The following B3GALT1 variants were observed in gnomAD, a reference collection of about 807,000 sequenced individuals.
B3GALT1 encodes the protein UDP-Gal:betaGlcNAc beta 1,3-galactosyltransferase, polypeptide 1.
A neutral mutation model predicts 23.2 loss-of-function variants in B3GALT1; 10 were observed. The ratio of observed to expected loss-of-function variants is 0.43; its 90% CI spans 0.27 to 0.73. The LOEUF (loss-of-function observed/expected upper bound fraction) is 0.73, where lower values mean the gene tolerates loss of function less well. B3GALT1 is among the 30% of genes least tolerant of loss of function. B3GALT1 has a pLI of 0.21. For synonymous variants in B3GALT1, 156 were observed against 141.5 expected (o/e 1.10, Z -0.73); for missense variants, 299 against 405.4 (o/e 0.74, Z 2.25).
chr2:167,534,849 T>G (rs1683388524), intron 2 of B3GALT1, among the ~76,000 whole-genome samples: 1 of 152,218 alleles, frequency 6.6e-6, no homozygotes, highest in African/African-American at 2.4e-5. Context: ...GGCAAATATG[T>G]GGGAGAAGGA....
chr2:167,630,507 A>G (rs927719875), intron 2 of B3GALT1, among the ~76,000 whole-genome samples: 5 of 151,742 alleles, frequency 3.3e-5, no homozygotes, highest in African/African-American at 1.2e-4. Context: ...TTTGACAATT[A>G]TTGTTAATTT....
At chr2:167,683,575 G>T (rs1686570543) in intron 3 of B3GALT1, among the ~76,000 whole-genome samples, 1 of 152,090 alleles carries the variant, frequency 6.6e-6, no homozygotes, top group Non-Finnish European at 1.5e-5. Flanking sequence ...ACAAAAATTA[G>T]CTGGGCATGG....
chr2:167,374,157 C>T (rs549589500), intron 1 of B3GALT1, among the ~76,000 whole-genome samples: 69 of 152,250 alleles, frequency 4.5e-4, no homozygotes, highest in African/African-American at 1.6e-3. Flanking sequence ...GGATAATTGT[C>T]TCCAGCTGCG....
chr2:167,576,862 C>T (rs926106593), intron 2 of B3GALT1, among the ~76,000 whole-genome samples: 1 of 151,672 alleles, frequency 6.6e-6, no homozygotes, highest in Admixed American at 6.6e-5. Context: ...TATCTTCTTG[C>T]CACCCTTGTG....
Position 167,656,683 on chromosome 2 carries a change from A to G in B3GALT1, c.-352+9717A>G, listed in dbSNP as rs990069382. 7.9e-5 allele frequency among the ~76,000 whole-genome samples: 12 copies of G among 152,324 alleles called. No homozygotes were observed. In the South Asian group the frequency reaches 2.5e-3, roughly 32 times the overall value. On this transcript the variant is annotated intron_variant, in intron 3 of 4. Coordinates refer to ENST00000392690, the MANE Select transcript of B3GALT1 (RefSeq NM_020981.4). ...TTGGCATATTTGAAAGTTGTGACTTACACTGGATTAGCTGTCCTACAGCTT... is the reference window on the plus strand; with the variant it reads ...TTGGCATATTTGAAAGTTGTGACTTGCACTGGATTAGCTGTCCTACAGCTT...
At chr2:167,748,449 T>G (rs1687684346) in intron 3 of B3GALT1, among the ~76,000 whole-genome samples, 1 of 152,192 alleles carries the variant, frequency 6.6e-6, no homozygotes, top group African/African-American at 2.4e-5. Flanking sequence ...AAATATCTCT[T>G]GAAGCTTTTC....
At chr2:167,596,789 A>G (rs367596483) in intron 2 of B3GALT1, among the ~76,000 whole-genome samples, 1 of 152,356 alleles carries the variant, frequency 6.6e-6, no homozygotes, top group African/African-American at 2.4e-5. Flanking sequence ...ATTTATTACA[A>G]AGTTTTCTTA....
intron 1 of B3GALT1, among the ~76,000 whole-genome samples, chr2:167,293,744 A>C (rs910905243): frequency 8.6e-5 from 13 of 152,034 alleles, no homozygotes; most frequent in Admixed American, 8.5e-4. Flanking sequence ...CGTGGCTCGT[A>C]AAGAGCCGAG....
At chr2:167,471,950 G>C (rs1467109004) in intron 1 of B3GALT1, among the ~76,000 whole-genome samples, 2 of 152,122 alleles carry the variant, frequency 1.3e-5, no homozygotes, top group Non-Finnish European at 2.9e-5. Context: ...AAACACTGTA[G>C]TAGAAGAAAG....
rs571962141 is a variant in B3GALT1, at chr2:167,579,526, T to G, written c.-409-67383T>G. Among the ~76,000 whole-genome samples the G allele has an allele frequency of 8.0e-5, 12 of 150,298 alleles. No homozygotes were observed. In the East Asian group the frequency reaches 2.2e-3, roughly 28 times the overall value. ...ATCTCTAGATTTCTAGCCTGAGCATTCTGGACATAGGTATGTTTTCAAGGT... is the reference window on the plus strand; with the variant it reads ...ATCTCTAGATTTCTAGCCTGAGCATGCTGGACATAGGTATGTTTTCAAGGT... On this transcript the variant is annotated intron_variant, in intron 2 of 4. Transcript: ENST00000392690.
chr2:167,619,864 G>A (rs1685226100), intron 2 of B3GALT1, among the ~76,000 whole-genome samples: 1 of 152,048 alleles, frequency 6.6e-6, no homozygotes, highest in Non-Finnish European at 1.5e-5. Context: ...TATGATGTTA[G>A]GAATAGGTAT....
At chr2:167,681,437 G>A (rs1484796676) in intron 3 of B3GALT1, among the ~76,000 whole-genome samples, 1 of 152,062 alleles carries the variant, frequency 6.6e-6, no homozygotes, top group Non-Finnish European at 1.5e-5. Flanking sequence ...AAAACATCTG[G>A]AAGCCATCTG....
intron 2 of B3GALT1, among the ~76,000 whole-genome samples, chr2:167,527,108 T>C (rs1683234497): frequency 1.3e-5 from 2 of 152,184 alleles, no homozygotes; most frequent in Admixed American, 6.5e-5. Context: ...TCCTATGATA[T>C]GATGTTTATA....
intron 3 of B3GALT1, among the ~76,000 whole-genome samples, chr2:167,799,290 C>T (rs558139395): frequency 8.5e-5 from 13 of 152,072 alleles, no homozygotes; most frequent in Admixed American, 3.3e-4. Context: ...TCCCACCGTC[C>T]GAACAGTGTA....
At chr2:167,834,483 C>T (rs1689417365) in intron 4 of B3GALT1, among the ~76,000 whole-genome samples, 1 of 152,168 alleles carries the variant, frequency 6.6e-6, no homozygotes, top group African/African-American at 2.4e-5. Flanking sequence ...TGACAAGTCT[C>T]CTAATAGAGA....
intron 1 of B3GALT1, among the ~76,000 whole-genome samples, chr2:167,305,932 C>T (rs952974433): frequency 1.3e-5 from 2 of 152,018 alleles, no homozygotes; most frequent in African/African-American, 4.8e-5. Context: ...TAATCATGTT[C>T]TGTGTTGGCA....
chr2:167,813,986 A>G (rs1287263719), intron 3 of B3GALT1, among the ~76,000 whole-genome samples: 1 of 152,212 alleles, frequency 6.6e-6, no homozygotes, highest in Non-Finnish European at 1.5e-5. Flanking sequence ...TCTGCACCCT[A>G]AACTGGCTGC....
At chr2:167,774,778 G>T (rs962933457) in intron 3 of B3GALT1, among the ~76,000 whole-genome samples, 5 of 152,114 alleles carry the variant, frequency 3.3e-5, no homozygotes, top group Admixed American at 6.5e-5. Flanking sequence ...TTACAGGCGT[G>T]AGCCACCACG....
intron 1 of B3GALT1, among the ~76,000 whole-genome samples, chr2:167,423,978 G>A (rs958741880): frequency 6.6e-6 from 1 of 152,116 alleles, no homozygotes; most frequent in African/African-American, 2.4e-5. Flanking sequence ...TGGTAGACAT[G>A]ACAACACGTT....
Sources: gnomAD v4.1 joint callset for allele counts (sites outside exome capture counted in the v4.1 genomes callset) on GRCh38, gnomAD v4.1.1 for gene constraint, MANE v1.5 for transcripts, NCBI Gene and HGNC (gene_info 2026-07-23, HGNC 2026-07-21) for gene names.